The following MMP16 variants were observed in gnomAD, a reference collection of about 807,000 sequenced individuals.
The protein encoded by MMP16 is matrix metallopeptidase 16.
MMP16 carries 12 observed loss-of-function variants against 67.8 expected under a neutral mutation model. The ratio of observed to expected loss-of-function variants is 0.18; its 90% CI spans 0.11 to 0.29. MMP16 has a LOEUF of 0.29. Ranked by LOEUF, MMP16 falls within the 10% of genes least tolerant of loss-of-function variation. MMP16 has a pLI of 1.00. For missense variants in MMP16, 475 were observed against 765.7 expected, an observed-to-expected ratio of 0.62 and a Z score of 4.48; for synonymous variants, 249 against 255.9, an observed-to-expected ratio of 0.97 and a Z score of 0.26.
At chr8:88,133,456 G>C (rs2118480617) in intron 4 of MMP16, among the ~76,000 whole-genome samples, 1 of 151,892 alleles carries the variant, frequency 6.6e-6, no homozygotes, top group Admixed American at 6.6e-5. Flanking sequence ...TGGAGAATCA[G>C]GAGCTAGTGA....
At chr8:88,113,488 T>C (rs958295020) in intron 6 of MMP16, among the ~76,000 whole-genome samples, 1 of 151,882 alleles carries the variant, frequency 6.6e-6, no homozygotes, top group African/African-American at 2.4e-5. Flanking sequence ...TGAGCAATAC[T>C]AAAAATATTT....
chr8:88,278,673 C>G (rs1475933969), intron 1 of MMP16, among the ~76,000 whole-genome samples: 1 of 152,096 alleles, frequency 6.6e-6, no homozygotes, highest in Non-Finnish European at 1.5e-5. Context: ...TTGAATTTCA[C>G]TACTTTCAAA....
chr8:88,133,861 A>G (rs1808075672), intron 4 of MMP16, among the ~76,000 whole-genome samples: 1 of 151,818 alleles, frequency 6.6e-6, no homozygotes, highest in South Asian at 2.1e-4. Flanking sequence ...GTCATTTTGT[A>G]TCCTGCTGAC....
intron 1 of MMP16, among the ~76,000 whole-genome samples, chr8:88,318,671 A>T (rs1340079576): frequency 6.6e-6 from 1 of 152,090 alleles, no homozygotes; most frequent in Non-Finnish European, 1.5e-5. Flanking sequence ...AGTTCTTCAA[A>T]CCCTGTGTTG....
chr8:88,281,807 T>A (rs1185308844), intron 1 of MMP16, among the ~76,000 whole-genome samples: 1 of 152,078 alleles, frequency 6.6e-6, no homozygotes, highest in Non-Finnish European at 1.5e-5. Context: ...ACCTAGGAAA[T>A]TCTCTTTGCC....
chr8:88,159,873 G>A (rs1243234827), intron 4 of MMP16, among the ~76,000 whole-genome samples: 1 of 151,864 alleles, frequency 6.6e-6, no homozygotes, highest in African/African-American at 2.4e-5. Flanking sequence ...GGCCTTTTCT[G>A]CATCTATTGA....
At chr8:88,289,053 A>G (rs1810878139) in intron 1 of MMP16, among the ~76,000 whole-genome samples, 2 of 152,188 alleles carry the variant, frequency 1.3e-5, no homozygotes, top group South Asian at 4.1e-4. Context: ...CTTGACCCCA[A>G]GTATGGGTTA....
chr8:88,265,651 C>T (rs1810465604), intron 1 of MMP16, among the ~76,000 whole-genome samples: 1 of 152,146 alleles, frequency 6.6e-6, no homozygotes. Context: ...AAAGTACCTT[C>T]AGATAAATAA....
intron 4 of MMP16, among the ~76,000 whole-genome samples, chr8:88,157,346 G>A (rs1245079699): frequency 6.6e-6 from 1 of 151,776 alleles, no homozygotes; most frequent in African/African-American, 2.4e-5. Context: ...AAAGGAGAAT[G>A]TGCACAGGTT....
intron 1 of MMP16, among the ~76,000 whole-genome samples, chr8:88,249,891 T>C (rs930567112): frequency 2.0e-5 from 3 of 152,140 alleles, no homozygotes; most frequent in African/African-American, 7.2e-5. Context: ...GGGCCAAGTT[T>C]AAAATTTTGC....
intron 6 of MMP16, among the ~76,000 whole-genome samples, chr8:88,077,938 A>G (rs1163191822): frequency 1.3e-5 from 2 of 152,206 alleles, no homozygotes; most frequent in African/African-American, 4.8e-5. Context: ...TCTAAACAAC[A>G]TAAGTTTGGT....
intron 1 of MMP16, among the ~76,000 whole-genome samples, chr8:88,207,152 A>G (rs1476089327): frequency 6.6e-6 from 1 of 152,232 alleles, no homozygotes; most frequent in Non-Finnish European, 1.5e-5. Context: ...AAATATACAC[A>G]AATCTATTAT....
intron 4 of MMP16, among the ~76,000 whole-genome samples, chr8:88,155,381 A>AT (rs1176902638): frequency 5.3e-5 from 8 of 151,752 alleles, no homozygotes; most frequent in South Asian, 2.1e-4. Flanking sequence ...TTTGGGAATA[A>AT]TTTTTTTTCC....
chr8:88,188,190 T>G (rs1432953551), intron 2 of MMP16, among the ~76,000 whole-genome samples: 5 of 152,226 alleles, frequency 3.3e-5, no homozygotes, highest in Non-Finnish European at 5.9e-5. Flanking sequence ...TTGCATAGTT[T>G]AAGATCTAGA....
At chr8:88,124,920 G>T (rs992500655) in intron 4 of MMP16, among the ~76,000 whole-genome samples, 1 of 151,834 alleles carries the variant, frequency 6.6e-6, no homozygotes, top group African/African-American at 2.4e-5. Context: ...AAGCTTGCTG[G>T]TGTTTCTTCT....
At chr8:88,314,888 T>C (rs1811354151) in intron 1 of MMP16, among the ~76,000 whole-genome samples, 1 of 152,202 alleles carries the variant, frequency 6.6e-6, no homozygotes, top group African/African-American at 2.4e-5. Context: ...TGAATCACCT[T>C]GGTCTCCTTA....
Position 88,034,717 on chromosome 8 carries a change from G to A in MMP16, c.*6744C>T, listed in dbSNP as rs536087003. The A allele has an allele frequency of 6.6e-6, 1 of 151,988 alleles. No homozygotes were observed. Among genetic ancestry groups the A allele is most frequent in the East Asian group, 1.9e-4 (1 of 5,162 alleles). The allele number at this position is 151,988 out of a possible 1,614,324, so 9.4% of individuals were successfully genotyped here. A position where few individuals can be genotyped will look rare whatever the true frequency, so the allele number is the denominator to read the frequency against. On this transcript the variant is annotated 3_prime_UTR_variant, in exon 10 of 10. Transcript: ENST00000286614. ...ACAATTGGATTGTTAATATATAGAG[G>A]AAACAGGTTCAAATTGGCATTATGT...
chr8:88,110,272 G>T (rs1809312328), intron 6 of MMP16, among the ~76,000 whole-genome samples: 1 of 151,238 alleles, frequency 6.6e-6, no homozygotes, highest in Non-Finnish European at 1.5e-5. Context: ...AAGAAGCCAG[G>T]AAATGTCAAT....
chr8:88,113,858 A>G (rs1809383544), intron 6 of MMP16, among the ~76,000 whole-genome samples: 2 of 152,016 alleles, frequency 1.3e-5, no homozygotes, highest in South Asian at 4.1e-4. Context: ...GCCTAAAATA[A>G]TATCTAGCCT....
Sources: gnomAD v4.1 joint callset for allele counts (sites outside exome capture counted in the v4.1 genomes callset) on GRCh38, gnomAD v4.1.1 for gene constraint, MANE v1.5 for transcripts, NCBI Gene and HGNC (gene_info 2026-07-23, HGNC 2026-07-21) for gene names.